Variants in MIDEAS observed in about 807,000 individuals in gnomAD.
The protein encoded by MIDEAS is mitotic deacetylase associated SANT domain protein.
In MIDEAS, 26 loss-of-function variants were observed where a neutral mutation model predicts 102.7. The ratio of observed to expected loss-of-function variants is 0.25; its 90% confidence interval spans 0.19 to 0.35. The LOEUF (loss-of-function observed/expected upper bound fraction) is 0.35. Ranked by LOEUF, MIDEAS falls within the 10% of genes least tolerant of loss-of-function variation. The pLI is 1.00. For synonymous variants in MIDEAS, 585 were observed against 591.0 expected, an observed-to-expected ratio of 0.99 and a Z score of 0.15; for missense variants, 1,231 against 1,435.6, an observed-to-expected ratio of 0.86 and a Z score of 2.30.
chr14:73,726,595 C>A lies in MIDEAS; in HGVS notation c.2409+9G>T. The stretch of plus-strand genomic sequence containing the variant: ...AGGGGCCCTCCCTCTGCTGGGGTTG[C>A]CTTCTCACCAGGATGTCTCCTCTGG... On this transcript the variant is annotated intron_variant, in intron 7 of 12. Coordinates refer to ENST00000423556, the MANE Select transcript of MIDEAS (RefSeq NM_001367710.1). 1 of 1,613,566 alleles carries A rather than the reference C, an allele frequency of 6.2e-7. No individual in the cohort carries two copies. Among genetic ancestry groups the A allele is most frequent in the Non-Finnish European group, 8.5e-7 (1 of 1,179,688 alleles).
chr14:73,721,278 C>T lies in MIDEAS; in HGVS notation c.2937+19G>A, dbSNP rs770482156. ...CCACCCTGCTTGCCCTGGGCTCAGC[C>T]CATGGTGGTCACACTCACCGACTCA... On this transcript the variant is annotated intron_variant, in intron 11 of 12. Coordinates refer to ENST00000423556, the MANE Select transcript of MIDEAS (RefSeq NM_001367710.1). 1 of 1,610,182 alleles carries T rather than the reference C, an allele frequency of 6.2e-7. No individual in the cohort carries two copies. Among genetic ancestry groups the T allele is most frequent in the Non-Finnish European group, 8.5e-7 (1 of 1,179,526 alleles).
rs757315722 is a variant in MIDEAS at position 73,739,784 on chromosome 14, A to G, written c.225T>C (p.Ser75=). Residue 75 remains serine, a synonymous_variant, in exon 2 of 13, where the codon TCT becomes TCC. Transcript: ENST00000423556. The part of the protein sequence containing the change: ...PPPSSLALLN[S]VVYGPERTSA... ...AGGTCCGCTCAGGCCCATATACCAC[A>G]GAGTTCAGCAGGGCCAGGCTGCTAG... The G allele has an allele frequency of 1.2e-6, 2 of 1,613,698 alleles. No homozygotes were observed. The highest frequency in any genetic ancestry group is 8.5e-7 in the Non-Finnish European group (1 of 1,179,898).
At chr14:73,737,536 G>A (rs1256025767) in intron 2 of MIDEAS, among the ~76,000 whole-genome samples, 2 of 152,036 alleles carry the variant, frequency 1.3e-5, no homozygotes, top group Admixed American at 6.5e-5. Context: ...AGAGGTGGGA[G>A]GATTGCCTGA....
intron 1 of MIDEAS, among the ~76,000 whole-genome samples, chr14:73,783,880 T>G (rs1379726112): frequency 6.6e-6 from 1 of 152,158 alleles, no homozygotes; most frequent in Admixed American, 6.5e-5. Context: ...CTGGGGGTGT[T>G]CGGCCTCCTT....
chr14:73,756,445 A>C (rs2053485422), intron 1 of MIDEAS, among the ~76,000 whole-genome samples: 1 of 152,222 alleles, frequency 6.6e-6, no homozygotes, highest in African/African-American at 2.4e-5. Context: ...ATGCAAATGC[A>C]GGTCCCTTAG....
chr14:73,780,562 T>C (rs1290449359), intron 1 of MIDEAS, among the ~76,000 whole-genome samples: 1 of 152,238 alleles, frequency 6.6e-6, no homozygotes, highest in Non-Finnish European at 1.5e-5. Flanking sequence ...GTAAGGAGCA[T>C]GTGGCACTCT....
chr14:73,728,858 G>T (rs1468105758), intron 4 of MIDEAS: 1 of 152,298 alleles, frequency 6.6e-6, no homozygotes, highest in Non-Finnish European at 1.5e-5. Context: ...AGCCTCCCCA[G>T]GAAGCAGTAC....
At chr14:73,736,697 C>T (rs2053204919) in intron 3 of MIDEAS, among the ~76,000 whole-genome samples, 1 of 151,620 alleles carries the variant, frequency 6.6e-6, no homozygotes, top group Admixed American at 6.6e-5. Context: ...TCATTCCCAG[C>T]ACCCAGCACG....
intron 1 of MIDEAS, among the ~76,000 whole-genome samples, chr14:73,756,378 T>A (rs1304778600): frequency 6.6e-6 from 1 of 152,094 alleles, no homozygotes; most frequent in Non-Finnish European, 1.5e-5. Flanking sequence ...TATGCTGTAA[T>A]GCTTCTGATT....
chr14:73,768,265 A>G (rs1461212330), intron 1 of MIDEAS, among the ~76,000 whole-genome samples: 2 of 152,180 alleles, frequency 1.3e-5, no homozygotes, highest in African/African-American at 2.4e-5. Flanking sequence ...CATTTTATAG[A>G]TAAGGAAGCT....
chr14:73,751,648 C>G (rs1475496414), intron 1 of MIDEAS, among the ~76,000 whole-genome samples: 1 of 152,154 alleles, frequency 6.6e-6, no homozygotes, highest in African/African-American at 2.4e-5. Flanking sequence ...TTTGTAATCC[C>G]AACACTTTGG....
intron 1 of MIDEAS, chr14:73,758,799 C>CCT (rs1316366900): frequency 6.5e-6 from 1 of 154,582 alleles, no homozygotes; most frequent in African/African-American, 2.4e-5. Flanking sequence ...GCAGGTACCT[C>CCT]CTCCATGTCG....
intron 1 of MIDEAS, among the ~76,000 whole-genome samples, chr14:73,766,941 C>T (rs1264220287): frequency 6.6e-6 from 1 of 150,944 alleles, no homozygotes; most frequent in South Asian, 2.1e-4. Context: ...CTGCAACCTC[C>T]GACTTCTGGG....
At chr14:73,733,767 TTAC>T (rs779339261) in intron 3 of MIDEAS, among the ~76,000 whole-genome samples, 50 of 152,016 alleles carry the variant, frequency 3.3e-4, no homozygotes, top group Non-Finnish European at 6.8e-4. Flanking sequence ...CGATCTTGGC[TTAC>T]TACAACCTCC....
At chr14:73,723,647 G>C (rs2053025217) in intron 9 of MIDEAS, 1 of 152,216 alleles carries the variant, frequency 6.6e-6, no homozygotes, top group Non-Finnish European at 1.5e-5. Context: ...TAGACATAGA[G>C]AAAGAGAAAG....
chr14:73,757,458 T>C (rs1205085623), intron 1 of MIDEAS, among the ~76,000 whole-genome samples: 1 of 152,150 alleles, frequency 6.6e-6, no homozygotes, highest in Non-Finnish European at 1.5e-5. Flanking sequence ...TCAGAGTCTT[T>C]GTTTTTGACC....
rs142936553 is a variant in MIDEAS at position 73,739,508 on chromosome 14, C to T, written c.501G>A (p.Arg167=). ...TYYNHPEALK[R]EKAGGPQLDR... ...CCAGCTGTGGGCCCCCCGCTTTCTC[C>T]CGCTTCAGTGCCTCAGGGTGGTTAT... The change falls in exon 2 of 13, where the codon CGG becomes CGA. Residue 167 remains arginine (R), a synonymous_variant. Coordinates refer to ENST00000423556, the MANE Select transcript of MIDEAS (RefSeq NM_001367710.1). 1.2e-4 allele frequency: 197 copies of T among 1,613,672 alleles called. 1 individual carries two copies. In the African/African-American group the frequency reaches 2.4e-3, roughly 20 times the overall value.
chr14:73,719,346 G>A lies in MIDEAS; in HGVS notation c.3093C>T (p.Thr1031=), dbSNP rs1162647221. The A allele has an allele frequency of 6.2e-7, 1 of 1,613,660 alleles. No homozygotes were observed. Among genetic ancestry groups the A allele is most frequent in the African/African-American group, 1.3e-5 (1 of 74,858 alleles). The part of the protein sequence containing the change: ...KKKKTETFSK[T]QNQENTFPCK... The stretch of plus-strand genomic sequence containing the variant: ...AGGGGAAAGTGTTCTCCTGATTCTG[G>A]GTCTTACTGAATGTCTCTGTTTTTT... Residue 1031 remains threonine (T), a synonymous_variant, in exon 12 of 13, where the codon ACC becomes ACT. Coordinates refer to ENST00000423556, the MANE Select transcript of MIDEAS (RefSeq NM_001367710.1).
intron 3 of MIDEAS, among the ~76,000 whole-genome samples, chr14:73,735,610 TAGA>T (rs1422249422): frequency 6.6e-6 from 1 of 152,142 alleles, no homozygotes; most frequent in Non-Finnish European, 1.5e-5. Context: ...ACACCTTAAG[TAGA>T]AGGATACAGA....
Sources: gnomAD v4.1 joint callset for allele counts (sites outside exome capture counted in the v4.1 genomes callset) on GRCh38, gnomAD v4.1.1 for gene constraint, MANE v1.5 for transcripts, NCBI Gene and HGNC (gene_info 2026-07-23, HGNC 2026-07-21) for gene names.